Variants in IST1 observed in about 807,000 individuals in gnomAD.
IST1 encodes the protein IST1 homolog.
IST1 carries 23 observed loss-of-function variants against 37.0 expected under a neutral mutation model. That is an observed-to-expected ratio of 0.62 (90% CI 0.45 to 0.88). IST1 has a LOEUF of 0.88. Among genes scored for constraint, IST1 ranks in the 40% least tolerant of loss-of-function variants. The pLI is 0.00. For missense variants in IST1, 488 were observed against 445.4 expected (o/e 1.10, Z -0.86); for synonymous variants, 180 against 161.7 (o/e 1.11, Z -0.86).
At chr16:71,921,709 T>C (rs774037034) in intron 6 of IST1, 1 of 384,120 alleles carries the variant, frequency 2.6e-6, no homozygotes, top group African/African-American at 2.0e-5. Flanking sequence ...TTTGGTGAAC[T>C]TCAGGAATTG....
intron 8 of IST1, chr16:71,924,144 GT>G (rs2037680411): frequency 2.2e-6 from 1 of 455,798 alleles, no homozygotes; most frequent in Non-Finnish European, 4.4e-6. Flanking sequence ...TTTTGCATGC[GT>G]CACATAACCC....
intron 1 of IST1, among the ~76,000 whole-genome samples, chr16:71,906,697 G>T (rs182779317): frequency 2.0e-5 from 3 of 152,038 alleles, no homozygotes; most frequent in African/African-American, 7.2e-5. Context: ...TTATTTTTGA[G>T]GGATATTTTC....
chr16:71,921,660 C>T, intron 6 of IST1: 1 of 496,918 alleles, frequency 2.0e-6, no homozygotes, highest in African/African-American at 1.9e-5. Flanking sequence ...AAGGTCAAAA[C>T]CTTGATACAA....
intron 1 of IST1, among the ~76,000 whole-genome samples, chr16:71,909,672 C>G (rs766844765): frequency 4.6e-5 from 7 of 152,192 alleles, no homozygotes; most frequent in African/African-American, 7.2e-5. Flanking sequence ...TTTTGCCAGT[C>G]TGGCAGGTAT....
intron 1 of IST1, among the ~76,000 whole-genome samples, chr16:71,906,290 A>G (rs1310363035): frequency 1.3e-5 from 2 of 151,590 alleles, no homozygotes; most frequent in Admixed American, 1.3e-4. Context: ...GGTGCGAGCC[A>G]CTGCGCCCGG....
Position 71,915,633 on chromosome 16 carries a change from A to C in IST1, c.-8A>C. On this transcript the variant is annotated 5_prime_UTR_variant, in exon 2 of 10. Transcript: ENST00000378799. ...TGCTTCTTCTGTTTCTAGGAGGAAC[A>C]GCACAGCATGCTGGGCTCTGGATTT... The C allele has an allele frequency of 6.2e-7, 1 of 1,606,668 alleles. No individual in the cohort carries two copies. Among genetic ancestry groups the C allele is most frequent in the South Asian group, 1.1e-5 (1 of 89,942 alleles).
At chr16:71,909,356 G>C (rs570410457) in intron 1 of IST1, among the ~76,000 whole-genome samples, 1 of 152,000 alleles carries the variant, frequency 6.6e-6, no homozygotes, top group Non-Finnish European at 1.5e-5. Flanking sequence ...CCTCCTGCCC[G>C]GACCTCCCAA....
Position 71,926,446 on chromosome 16 carries a change from C to G in IST1, c.902-1168C>G, listed in dbSNP as rs1424342880. 5.3e-5 allele frequency among the ~76,000 whole-genome samples: 8 copies of G among 151,872 alleles called. No individual in the cohort carries two copies. In the East Asian group the frequency reaches 1.6e-3, roughly 29 times the overall value. ...GCAAGCTCCACCTCCCGGGTTCACG[C>G]CATTCTCCTGCCTCAACCTCCCAAG... On this transcript the variant is annotated intron_variant, in intron 9 of 9. Transcript: ENST00000378799.
At chr16:71,909,095 CTTTTT>C (rs34086105) in intron 1 of IST1, among the ~76,000 whole-genome samples, 2 of 102,930 alleles carry the variant, frequency 1.9e-5, no homozygotes, top group South Asian at 3.2e-4. Context: ...TTTTGTTTGT[CTTTTT>C]TTTTTTTTTT....
intron 1 of IST1, among the ~76,000 whole-genome samples, chr16:71,904,106 A>G (rs745979082): frequency 4.7e-4 from 71 of 151,728 alleles, no homozygotes; most frequent in Non-Finnish European, 7.9e-4. Flanking sequence ...AACCCCTCCA[A>G]CGTTCTATTT....
intron 1 of IST1, among the ~76,000 whole-genome samples, chr16:71,906,769 G>A (rs746377287): frequency 2.6e-5 from 4 of 151,820 alleles, no homozygotes; most frequent in East Asian, 1.9e-4. Context: ...ACGTTGTTTC[G>A]CTTCCTTTTG....
At chr16:71,927,242 G>A (rs1266893552) in intron 9 of IST1, among the ~76,000 whole-genome samples, 1 of 152,158 alleles carries the variant, frequency 6.6e-6, no homozygotes, top group African/African-American at 2.4e-5. Flanking sequence ...GCTCACACCT[G>A]TAATCCAGCA....
At chr16:71,923,586 T>A in intron 8 of IST1, 3 of 418,890 alleles carry the variant, frequency 7.2e-6, no homozygotes, top group Non-Finnish European at 1.3e-5. Flanking sequence ...CAATGCTTTG[T>A]CTGCAATTAA....
chr16:71,899,087 T>C (rs2037044618), intron 1 of IST1, among the ~76,000 whole-genome samples: 1 of 152,216 alleles, frequency 6.6e-6, no homozygotes, highest in Non-Finnish European at 1.5e-5. Context: ...TGCATTTCAG[T>C]ATTTATAGCT....
chr16:71,901,276 C>T (rs938839126), intron 1 of IST1, among the ~76,000 whole-genome samples: 9 of 152,100 alleles, frequency 5.9e-5, no homozygotes, highest in East Asian at 1.9e-4. Flanking sequence ...TGCAGTAGCA[C>T]GATCTCGGCT....
chr16:71,897,278 G>T (rs886379387), intron 1 of IST1, among the ~76,000 whole-genome samples: 3 of 151,388 alleles, frequency 2.0e-5, no homozygotes, highest in Admixed American at 6.6e-5. Flanking sequence ...CAAAATGCTG[G>T]GATTAGAAGT....
chr16:71,903,454 T>C (rs1413557230), intron 1 of IST1: 1 of 152,186 alleles, frequency 6.6e-6, no homozygotes, highest in Non-Finnish European at 1.5e-5. Context: ...TAGAAGTATA[T>C]TGTTGAATTC....
At chr16:71,917,659 G>A (rs965777439) in intron 4 of IST1, among the ~76,000 whole-genome samples, 2 of 152,086 alleles carry the variant, frequency 1.3e-5, no homozygotes, top group African/African-American at 2.4e-5. Context: ...TACAAATTCA[G>A]TTGTGTTGTT....
rs772268702 is a variant in IST1, at chr16:71,922,627, A to T, written c.706A>T (p.Met236Leu). 1 of 1,555,012 alleles carries T rather than the reference A, an allele frequency of 6.4e-7. No homozygotes were observed. Among genetic ancestry groups the T allele is most frequent in the Non-Finnish European group, 8.8e-7 (1 of 1,131,204 alleles). ...GGTGCCAATGCCCATGCCCATGCCC[A>T]TGCCTATGCCATCTGCAAATACGCC... ...GTVPMPMPMP[M>L]PMPSANTPFS... The change falls in exon 7 of 10, where the codon ATG becomes TTG. Residue 236 changes from methionine (M) to leucine (L), a missense_variant. Transcript: ENST00000378799.
Sources: gnomAD v4.1 joint callset for allele counts (sites outside exome capture counted in the v4.1 genomes callset) on GRCh38, gnomAD v4.1.1 for gene constraint, MANE v1.5 for transcripts, NCBI Gene and HGNC (gene_info 2026-07-23, HGNC 2026-07-21) for gene names.